DST: variants seen among roughly 807,000 people sequenced by gnomAD.
The protein encoded by DST is bullous pemphigoid antigen.
In DST, 253 loss-of-function variants were observed where a neutral mutation model predicts 875.2. The observed-to-expected ratio is 0.29, with a 90% CI of 0.26 to 0.32. DST has a LOEUF of 0.32. DST is among the 10% of genes least tolerant of loss of function. DST has a pLI of 1.00. For missense variants in DST, 8,287 were observed against 9,111.6 expected (o/e 0.91, Z 3.68); for synonymous variants, 3,124 against 3,197.1 (o/e 0.98, Z 0.77).
In DST at chr6:56,608,402, G is replaced by T. The variant is rs768861341; in HGVS notation, c.6226C>A (p.His2076Asn). ...QRGYVGLIWPHSGEIFPTSSS... is the reference protein window; with the variant it reads ...QRGYVGLIWPNSGEIFPTSSS... ...GATGTGGGAAATATTTCACCAGAAT[G>T]GGGCCAAATGAGTCCAACATAGCCT... The change falls in exon 40 of 104, where the codon CAT becomes AAT. Residue 2076 changes from histidine to asparagine, a missense_variant. Physicochemically the swap from His to Asn is moderately conservative, Grantham distance 68. Transcript: ENST00000680361. The T allele has an allele frequency of 4.3e-6, 7 of 1,613,344 alleles. No individual in the cohort carries two copies. The highest frequency in any genetic ancestry group is 5.9e-6 in the Non-Finnish European group (7 of 1,179,772).
intron 99 of DST, 32 bp from the exon 100 acceptor site, chr6:56,464,788 T>C (rs753754849): frequency 6.7e-7 from 1 of 1,482,794 alleles, no homozygotes; most frequent in Non-Finnish European, 9.3e-7. Flanking sequence ...ACCAATCACA[T>C]TAAAGAATAC....
At chr6:56,696,209 C>A (rs1210609493) in intron 9 of DST, among the ~76,000 whole-genome samples, 1 of 152,164 alleles carries the variant, frequency 6.6e-6, no homozygotes, top group African/African-American at 2.4e-5. Flanking sequence ...GTTGCCCAGA[C>A]TGGAGTGCAA....
At chr6:56,785,962 T>C (rs2099704541) in intron 4 of DST, 2 of 152,220 alleles carry the variant, frequency 1.3e-5, no homozygotes, top group African/African-American at 4.8e-5. Flanking sequence ...TTATCAACAT[T>C]ATCACATCTA....
intron 2 of DST, among the ~76,000 whole-genome samples, chr6:56,919,139 G>C (rs1802809724): frequency 6.6e-6 from 1 of 152,042 alleles, no homozygotes; most frequent in South Asian, 2.1e-4. Context: ...TATGCAGCAA[G>C]TATTTTTGCC....
At chr6:56,627,024 C>T (rs996747905) in intron 34 of DST, among the ~76,000 whole-genome samples, 180 bp downstream of exon 34, 2 of 152,138 alleles carry the variant, frequency 1.3e-5, no homozygotes, top group African/African-American at 2.4e-5. Flanking sequence ...GAGAAGAAGA[C>T]GAATGAACTG....
rs747298983 is a variant in DST, at chr6:56,517,164, G to C, written c.18357+34C>G. On this transcript the variant is annotated intron_variant, in intron 71 of 103. Transcript: ENST00000680361. ...AGCTCAACACCTGCTGTTTTTTCAA[G>C]AGTCCCACTACCAGTCCACAGACAA... 2.0e-6 allele frequency: 3 copies of C among 1,480,870 alleles called. No homozygotes were observed. The Admixed American group carries it at 5.1e-5, about 25-fold the overall frequency. The allele number at this position is 1,480,870 out of a possible 1,614,324, so 91.7% of individuals were successfully genotyped here.
At chr6:56,759,881 C>T (rs145617548) in intron 4 of DST, among the ~76,000 whole-genome samples, 5 of 152,318 alleles carry the variant, frequency 3.3e-5, no homozygotes, top group East Asian at 1.9e-4. Context: ...TTCTTGTCCT[C>T]TAAGCAAAGT....
chr6:56,866,730 C>T (rs542766487), intron 3 of DST, among the ~76,000 whole-genome samples: 36 of 152,284 alleles, frequency 2.4e-4, no homozygotes, highest in Admixed American at 1.9e-3. Flanking sequence ...TGTCTGTCTC[C>T]TCCACCAGAA....
intron 2 of DST, among the ~76,000 whole-genome samples, chr6:56,944,785 C>T (rs1818598176): frequency 6.6e-6 from 1 of 152,204 alleles, no homozygotes; most frequent in Admixed American, 6.5e-5. Flanking sequence ...ACTACAGACA[C>T]TAGAAAAGAT....
chr6:56,677,947 C>G (rs934699539), intron 9 of DST, among the ~76,000 whole-genome samples: 1 of 152,212 alleles, frequency 6.6e-6, no homozygotes, highest in African/African-American at 2.4e-5. Flanking sequence ...CCAAGTATCC[C>G]CCATGGCAAT....
chr6:56,693,313 A>G lies in DST; in HGVS notation c.1047+6340T>C, dbSNP rs530346976. 1.7e-5 allele frequency: 20 copies of G among 1,171,386 alleles called. No individual in the cohort carries two copies. The East Asian group carries it at 1.1e-3, about 64-fold the overall frequency. The allele number at this position is 1,171,386 out of a possible 1,614,324, so 72.6% of individuals were successfully genotyped here. A position where few individuals can be genotyped will look rare whatever the true frequency, so the allele number is the denominator to read the frequency against. On this transcript the variant is annotated intron_variant, in intron 9 of 103. Coordinates refer to ENST00000680361, the MANE Select transcript of DST (RefSeq NM_001374736.1). ...AGGCCATTTTGCTTATGAGAAAGGCACACACAAGAAATGCCGTGGCATCCT... is the reference window on the plus strand; with the variant it reads ...AGGCCATTTTGCTTATGAGAAAGGCGCACACAAGAAATGCCGTGGCATCCT...
chr6:56,603,008 T>A lies in DST; in HGVS notation c.11181A>T (p.Glu3727Asp), dbSNP rs760123278. 4 of 1,581,484 alleles carry A rather than the reference T, an allele frequency of 2.5e-6. No individual in the cohort carries two copies. Among genetic ancestry groups the A allele is most frequent in the Non-Finnish European group, 3.4e-6 (4 of 1,170,488 alleles). ...SEMSKLAVSH[E>D]EFLHKLKSFS... ...ATGACTTAAGTTTATGCAGAAATTCTTCATGGGAAACTGCTAGTTTAGACT... is the reference window on the plus strand; with the variant it reads ...ATGACTTAAGTTTATGCAGAAATTCATCATGGGAAACTGCTAGTTTAGACT... Residue 3727 changes from glutamate to aspartate, a missense_variant, in exon 43 of 104, where the codon GAA becomes GAT. Glu to Asp is a conservative substitution (Grantham distance 45). Around this residue, in one of 10 missense-constraint regions of DST, gnomAD observed 3,138 missense variants for 3,116.6 expected, o/e 1.01. Coordinates refer to ENST00000680361, the MANE Select transcript of DST (RefSeq NM_001374736.1).
chr6:56,506,832 A>G, intron 75 of DST, 43 bp from the exon 76 acceptor site: 1 of 1,570,258 alleles, frequency 6.4e-7, no homozygotes, highest in Non-Finnish European at 8.6e-7. Context: ...AAGCAAAACC[A>G]CATCAAAACT....
At chr6:56,670,544 C>T (rs1301015394) in intron 10 of DST, 97 bp downstream of exon 10, 3 of 968,068 alleles carry the variant, frequency 3.1e-6, no homozygotes, top group Non-Finnish European at 4.2e-6. Context: ...TTTTGCCATG[C>T]TTTTGCTTCT....
Position 56,634,610 on chromosome 6 carries a change from T to C in DST, c.3346A>G (p.Ile1116Val). Residue 1116 changes from isoleucine to valine, a missense_variant, in exon 26 of 104, where the codon ATT becomes GTT. Transcript: ENST00000680361. ...AAAACACATTCATCGTCTTTGTAAA[T>C]GGTTATCTGGTTTAAAATAAAGAGC... is the stretch of plus-strand genomic sequence containing the variant. ...ICDYRQIEIT[I>V]YKDDECVLAN... is the part of the protein sequence containing the mutation. The C allele has an allele frequency of 6.2e-7, 1 of 1,614,184 alleles. No homozygotes were observed. Among genetic ancestry groups the C allele is most frequent in the Non-Finnish European group, 8.5e-7 (1 of 1,180,010 alleles).
chr6:56,473,578 C>A (rs2095011860), intron 93 of DST, among the ~76,000 whole-genome samples: 1 of 152,084 alleles, frequency 6.6e-6, no homozygotes, highest in South Asian at 2.1e-4. Flanking sequence ...TGAGACAATG[C>A]AAAGGGTGTG....
chr6:56,942,373 G>A (rs931388482), intron 2 of DST, among the ~76,000 whole-genome samples: 12 of 151,948 alleles, frequency 7.9e-5, no homozygotes, highest in African/African-American at 2.9e-4. Flanking sequence ...TTTTCAATCT[G>A]TCTCTCCTGG....
Position 56,532,507 on chromosome 6 carries a change from G to C in DST, c.16945C>G (p.Leu5649Val), listed in dbSNP as rs773426256. ...TTTCGGTCATCCAACAATCTCTGGA[G>C]AAGCTTGAGACAAAACATTAAATAT... ...VKAQIQEQKLLQRLLDDRKST... is the reference protein window; with the variant it reads ...VKAQIQEQKLVQRLLDDRKST... Residue 5649 changes from leucine to valine, a missense_variant, in exon 64 of 104, where the codon CTC (leucine) becomes GTC (valine). By Grantham distance (32) the Leu-to-Val change is conservative. Coordinates refer to ENST00000680361, the MANE Select transcript of DST (RefSeq NM_001374736.1). The C allele has an allele frequency of 6.9e-6, 11 of 1,587,776 alleles. No individual in the cohort carries two copies. The highest frequency in any genetic ancestry group is 1.2e-5 in the South Asian group (1 of 86,840).
intron 4 of DST, among the ~76,000 whole-genome samples, chr6:56,802,982 CAAAT>C (rs1289758499): frequency 6.6e-6 from 1 of 152,142 alleles, no homozygotes; most frequent in African/African-American, 2.4e-5. Flanking sequence ...ACAGTACTGA[CAAAT>C]AATCCAAAAT....
Sources: allele counts gnomAD v4.1 joint callset (sites outside exome capture counted in the v4.1 genomes callset), GRCh38; gene constraint gnomAD v4.1.1; regional missense constraint gnomAD v4.1.1; transcripts MANE v1.5; gene names NCBI Gene and HGNC (gene_info 2026-07-23, HGNC 2026-07-21).